CAMK1D: variants seen among roughly 807,000 people sequenced by gnomAD.
CAMK1D encodes calcium/calmodulin-dependent protein kinase type 1D.
In CAMK1D, 9 loss-of-function variants were observed where a neutral mutation model predicts 47.7. The observed-to-expected ratio is 0.19, with a 90% CI of 0.11 to 0.33. The LOEUF is 0.33. CAMK1D is among the 10% of genes least tolerant of loss of function. The pLI, the probability that CAMK1D is intolerant of heterozygous loss-of-function variation, is 1.00. For missense variants in CAMK1D, 291 were observed against 488.7 expected, an observed-to-expected ratio of 0.60 and a Z score of 3.81; for synonymous variants, 184 against 184.9, an observed-to-expected ratio of 0.99 and a Z score of 0.04.
rs962757435 is a variant in CAMK1D, at chr10:12,712,193, G to C, written c.299+45383G>C. On this transcript the variant is annotated intron_variant, in intron 3 of 10. Transcript: ENST00000619168. ...TGAGGGCCACCCTAAGGGAAGCTCC[G>C]CTCTCCTTCAACTGAAGCTCTCCAG... is the stretch of plus-strand genomic sequence containing the variant. 3.3e-5 allele frequency among the ~76,000 whole-genome samples: 5 copies of C among 152,182 alleles called. 1 individual carries two copies. The highest frequency in any genetic ancestry group is 1.2e-4 in the African/African-American group (5 of 41,440).
intron 3 of CAMK1D, among the ~76,000 whole-genome samples, chr10:12,720,483 C>G (rs1834328806): frequency 6.6e-6 from 1 of 152,226 alleles, no homozygotes; most frequent in Non-Finnish European, 1.5e-5. Flanking sequence ...CAACAAGTTA[C>G]TTCTAGGCAT....
chr10:12,614,440 C>T (rs1428076260), intron 2 of CAMK1D, among the ~76,000 whole-genome samples: 2 of 152,068 alleles, frequency 1.3e-5, no homozygotes, highest in East Asian at 1.9e-4. Context: ...AAATAGAGTA[C>T]GGTTATATTT....
At chr10:12,804,182 A>G (rs746488137) in intron 6 of CAMK1D, among the ~76,000 whole-genome samples, 5 of 152,132 alleles carry the variant, frequency 3.3e-5, no homozygotes, top group South Asian at 2.1e-4. Context: ...ATTTGGTTCA[A>G]TTTTCCTTTT....
At chr10:12,457,463 A>T (rs542758147) in intron 1 of CAMK1D, among the ~76,000 whole-genome samples, 53 of 152,062 alleles carry the variant, frequency 3.5e-4, no homozygotes, top group African/African-American at 1.2e-3. Context: ...AAGGTGAAAA[A>T]CAGTGCATGG....
At chr10:12,461,142 A>G (rs1307672001) in intron 1 of CAMK1D, among the ~76,000 whole-genome samples, 1 of 152,164 alleles carries the variant, frequency 6.6e-6, no homozygotes, top group Non-Finnish European at 1.5e-5. Context: ...CTCATCCACC[A>G]TTGCTGCCAG....
chr10:12,664,730 A>G lies in CAMK1D; in HGVS notation c.225-2006A>G, dbSNP rs183538355. ...AATTTCAGATAAACAACCATGCAAT[A>G]CTTGGGACGTACTTAAACTACAAAA... On this transcript the variant is annotated intron_variant, in intron 2 of 10. Transcript: ENST00000619168. Among the ~76,000 whole-genome samples, 511 of 152,352 alleles carry G rather than the reference A, an allele frequency of 3.4e-3. 4 individuals carry two copies. The highest frequency in any genetic ancestry group is 0.016 in the Admixed American group (252 of 15,306).
intron 3 of CAMK1D, among the ~76,000 whole-genome samples, chr10:12,714,611 C>CA (rs1295756192): frequency 6.6e-6 from 1 of 152,032 alleles, no homozygotes; most frequent in Non-Finnish European, 1.5e-5. Flanking sequence ...CTCATCTACT[C>CA]AGGAGGCTGA....
intron 6 of CAMK1D, among the ~76,000 whole-genome samples, chr10:12,797,733 C>T (rs1270974566): frequency 2.0e-5 from 3 of 152,102 alleles, no homozygotes; most frequent in Non-Finnish European, 4.4e-5. Context: ...CATTCTCTGC[C>T]GAGTCCATCC....
intron 1 of CAMK1D, among the ~76,000 whole-genome samples, chr10:12,524,615 G>A (rs550253512): frequency 1.3e-5 from 2 of 152,102 alleles, no homozygotes; most frequent in Admixed American, 1.3e-4. Context: ...GCTGAGGCAG[G>A]AGAATGGCGT....
At chr10:12,605,847 A>G (rs1416033006) in intron 2 of CAMK1D, among the ~76,000 whole-genome samples, 2 of 151,976 alleles carry the variant, frequency 1.3e-5, no homozygotes, top group African/African-American at 4.8e-5. Context: ...CCAAAAGTAA[A>G]CAGCTCAGCC....
intron 2 of CAMK1D, among the ~76,000 whole-genome samples, chr10:12,593,515 G>A (rs4750240): frequency 0.012 from 1,763 of 152,094 alleles, 70 homozygotes; most frequent in Admixed American, 0.072. Context: ...ACTTGAACCC[G>A]GGAGGCGGAG....
chr10:12,462,444 A>G (rs11257808), intron 1 of CAMK1D, among the ~76,000 whole-genome samples: 3,279 of 151,060 alleles, frequency 0.022, 150 homozygotes, highest in African/African-American at 0.075. Context: ...GATTATAGGC[A>G]TGAGCCACTG....
chr10:12,394,173 A>G (rs184772940), intron 1 of CAMK1D, among the ~76,000 whole-genome samples: 1 of 152,284 alleles, frequency 6.6e-6, no homozygotes, highest in East Asian at 1.9e-4. Context: ...GTATTATGAC[A>G]AATACAACTC....
intron 1 of CAMK1D, among the ~76,000 whole-genome samples, chr10:12,504,092 C>T (rs1230818052): frequency 6.6e-6 from 1 of 151,348 alleles, no homozygotes; most frequent in African/African-American, 2.4e-5. Context: ...TAAACATAAA[C>T]GGAACCAATA....
intron 2 of CAMK1D, among the ~76,000 whole-genome samples, chr10:12,662,420 G>A (rs537631656): frequency 2.8e-4 from 42 of 152,274 alleles, no homozygotes; most frequent in African/African-American, 9.1e-4. Context: ...TTGGGAGGCC[G>A]AGATGGGCGG....
chr10:12,438,214 C>G (rs1364701139), intron 1 of CAMK1D, among the ~76,000 whole-genome samples: 2 of 152,192 alleles, frequency 1.3e-5, no homozygotes, highest in Admixed American at 6.5e-5. Context: ...AAGTGCAATT[C>G]AGGTGTCTGA....
intron 1 of CAMK1D, among the ~76,000 whole-genome samples, chr10:12,466,118 G>A (rs1833581139): frequency 6.6e-6 from 1 of 152,080 alleles, no homozygotes; most frequent in African/African-American, 2.4e-5. Flanking sequence ...AGGAGTTCGA[G>A]ACTAGCCTGG....
chr10:12,451,850 G>C (rs1833092136), intron 1 of CAMK1D, among the ~76,000 whole-genome samples: 1 of 152,096 alleles, frequency 6.6e-6, no homozygotes, highest in African/African-American at 2.4e-5. Flanking sequence ...AGATTCCCTG[G>C]GGGATGTCCA....
intron 2 of CAMK1D, among the ~76,000 whole-genome samples, chr10:12,553,718 T>C (rs535917129): frequency 6.6e-6 from 1 of 152,192 alleles, no homozygotes; most frequent in Admixed American, 6.5e-5. Context: ...TTGTAAAGAT[T>C]TGGTGAGATG....
Sources: gnomAD v4.1 joint callset for allele counts (sites outside exome capture counted in the v4.1 genomes callset) on GRCh38, gnomAD v4.1.1 for gene constraint, MANE v1.5 for transcripts, NCBI Gene and HGNC (gene_info 2026-07-23, HGNC 2026-07-21) for gene names.